Variants in SNTB1 observed in about 807,000 individuals in gnomAD.
The protein encoded by SNTB1 is syntrophin beta 1, also known as beta-1-syntrophin.
SNTB1 carries 36 observed loss-of-function variants against 48.9 expected under a neutral mutation model. That is an observed-to-expected ratio of 0.74 (90% CI 0.56 to 0.97). The LOEUF (loss-of-function observed/expected upper bound fraction) is 0.97, where lower values mean the gene tolerates loss of function less well. Ranked by LOEUF, SNTB1 falls within the 50% of genes least tolerant of loss-of-function variation. The pLI is 0.00. For missense variants in SNTB1, 786 were observed against 703.4 expected (o/e 1.12, Z -1.33); for synonymous variants, 299 against 294.6 (o/e 1.01, Z -0.15).
chr8:120,585,272 C>T (rs1348644540), intron 3 of SNTB1, among the ~76,000 whole-genome samples: 1 of 152,220 alleles, frequency 6.6e-6, no homozygotes, highest in Non-Finnish European at 1.5e-5. Flanking sequence ...TCATGTGGCT[C>T]ATGTGTGGAG....
intron 1 of SNTB1, among the ~76,000 whole-genome samples, chr8:120,773,674 C>T (rs1819680149): frequency 6.6e-6 from 1 of 152,182 alleles, no homozygotes; most frequent in African/African-American, 2.4e-5. Flanking sequence ...AAGATTACCG[C>T]CCAAACCCAC....
At chr8:120,666,615 T>C (rs921547068) in intron 2 of SNTB1, among the ~76,000 whole-genome samples, 4 of 152,182 alleles carry the variant, frequency 2.6e-5, no homozygotes, top group Admixed American at 2.6e-4. Context: ...TGAGCTTCTG[T>C]GGACCTGGGG....
At chr8:120,633,103 TA>T (rs1236242679) in intron 2 of SNTB1, among the ~76,000 whole-genome samples, 19 of 152,180 alleles carry the variant, frequency 1.2e-4, no homozygotes, top group African/African-American at 4.6e-4. Context: ...TGCTCAGTGT[TA>T]ATCAATTAAG....
chr8:120,596,793 A>G (rs1170271197), intron 3 of SNTB1, among the ~76,000 whole-genome samples: 3 of 152,180 alleles, frequency 2.0e-5, no homozygotes, highest in African/African-American at 7.2e-5. Context: ...CTCTGACCAC[A>G]GTCAGGAAAG....
chr8:120,705,087 G>T (rs1818359954), intron 1 of SNTB1, among the ~76,000 whole-genome samples: 1 of 152,170 alleles, frequency 6.6e-6, no homozygotes, highest in Admixed American at 6.5e-5. Context: ...GTTTAAATGA[G>T]GGTAAAGCAA....
At chr8:120,662,148 T>C (rs1336873308) in intron 2 of SNTB1, among the ~76,000 whole-genome samples, 1 of 152,212 alleles carries the variant, frequency 6.6e-6, no homozygotes, top group Non-Finnish European at 1.5e-5. Context: ...ACCTGACTGA[T>C]TTAAACAAGC....
intron 2 of SNTB1, among the ~76,000 whole-genome samples, chr8:120,672,016 A>G (rs1817766457): frequency 6.6e-6 from 1 of 152,178 alleles, no homozygotes; most frequent in Admixed American, 6.5e-5. Flanking sequence ...TACTTCAAGT[A>G]CCCGAACAAC....
intron 1 of SNTB1, among the ~76,000 whole-genome samples, chr8:120,753,041 G>A (rs1819250964): frequency 1.3e-5 from 2 of 150,678 alleles, no homozygotes; most frequent in African/African-American, 4.9e-5. Context: ...AGCAATATGT[G>A]CTCCTTTCCA....
intron 3 of SNTB1, among the ~76,000 whole-genome samples, chr8:120,631,203 T>C (rs1190618458): frequency 3.9e-5 from 6 of 152,174 alleles, no homozygotes; most frequent in Non-Finnish European, 7.3e-5. Flanking sequence ...ACTTTCAAAA[T>C]TATATCAGCC....
At chr8:120,714,844 A>G (rs1320027697) in intron 1 of SNTB1, among the ~76,000 whole-genome samples, 2 of 152,242 alleles carry the variant, frequency 1.3e-5, no homozygotes, top group Non-Finnish European at 2.9e-5. Flanking sequence ...GTAAGTTTCC[A>G]TCCTGCTTCC....
intron 1 of SNTB1, among the ~76,000 whole-genome samples, chr8:120,785,638 C>T (rs752871199): frequency 2.6e-5 from 4 of 152,198 alleles, no homozygotes; most frequent in Non-Finnish European, 4.4e-5. Flanking sequence ...TGTGGCTTTG[C>T]TCCTCCACCC....
At chr8:120,631,031 G>C (rs1398201238) in intron 3 of SNTB1, among the ~76,000 whole-genome samples, 2 of 152,158 alleles carry the variant, frequency 1.3e-5, no homozygotes, top group African/African-American at 4.8e-5. Flanking sequence ...CTTATCTTTG[G>C]ACATTGCAGT....
At chr8:120,626,142 A>C (rs1464253569) in intron 3 of SNTB1, among the ~76,000 whole-genome samples, 1 of 152,170 alleles carries the variant, frequency 6.6e-6, no homozygotes, top group African/African-American at 2.4e-5. Flanking sequence ...GGGATGAGTA[A>C]ATTGCTATTG....
At chr8:120,611,083 G>A (rs1170136857) in intron 3 of SNTB1, among the ~76,000 whole-genome samples, 7 of 152,198 alleles carry the variant, frequency 4.6e-5, no homozygotes, top group African/African-American at 1.7e-4. Context: ...ACCTCTTGCT[G>A]GCCAAATAAG....
At chr8:120,539,536 A>C (rs1343398733) in intron 6 of SNTB1, among the ~76,000 whole-genome samples, 1 of 152,206 alleles carries the variant, frequency 6.6e-6, no homozygotes, top group East Asian at 1.9e-4. Context: ...CTGTTTAAGC[A>C]CGTATGCCAC....
At chr8:120,666,038 T>A (rs1008859465) in intron 2 of SNTB1, among the ~76,000 whole-genome samples, 3 of 152,208 alleles carry the variant, frequency 2.0e-5, no homozygotes, top group Non-Finnish European at 4.4e-5. Context: ...GTTTGGTCAT[T>A]CTGAGTCCCT....
chr8:120,608,658 A>C (rs1003010481), intron 3 of SNTB1, among the ~76,000 whole-genome samples: 4 of 152,252 alleles, frequency 2.6e-5, no homozygotes, highest in African/African-American at 9.6e-5. Flanking sequence ...TTGCTATGGC[A>C]GACTTAGCAA....
intron 2 of SNTB1, among the ~76,000 whole-genome samples, chr8:120,666,024 A>T (rs1281826186): frequency 6.6e-6 from 1 of 152,072 alleles, no homozygotes; most frequent in Non-Finnish European, 1.5e-5. Context: ...TCTTTTTTTA[A>T]GCTGTTTGGT....
chr8:120,805,226 CA>C (rs1820312503), intron 1 of SNTB1, among the ~76,000 whole-genome samples: 1 of 141,968 alleles, frequency 7.0e-6, no homozygotes. Flanking sequence ...GAAGAATGCC[CA>C]CCCTCTCCTC....
Sources: gnomAD v4.1 joint callset for allele counts (sites outside exome capture counted in the v4.1 genomes callset) on GRCh38, gnomAD v4.1.1 for gene constraint, MANE v1.5 for transcripts, NCBI Gene and HGNC (gene_info 2026-07-23, HGNC 2026-07-21) for gene names.